ANKRD52: variants seen among roughly 807,000 people sequenced by gnomAD.
ANKRD52 encodes the protein ankyrin repeat domain 52.
In ANKRD52, 7 loss-of-function variants were observed where a neutral mutation model predicts 116.0. The ratio of observed to expected loss-of-function variants is 0.06; its 90% CI spans 0.03 to 0.11. ANKRD52 has a LOEUF of 0.11. Among genes scored for constraint, ANKRD52 ranks in the 10% least tolerant of loss-of-function variants. ANKRD52 has a pLI of 1.00. For missense variants in ANKRD52, 839 were observed against 1,408.6 expected (o/e 0.60, Z 6.47); for synonymous variants, 528 against 578.1 (o/e 0.91, Z 1.24).
chr12:56,247,253 C>T (rs1381249796), intron 20 of ANKRD52, among the ~76,000 whole-genome samples: 1 of 148,034 alleles, frequency 6.8e-6, no homozygotes, highest in Non-Finnish European at 1.5e-5. Flanking sequence ...GGCTGAGGTG[C>T]GAGAATCACC....
chr12:56,245,196 C>A lies in ANKRD52; in HGVS notation c.2405-6G>T, dbSNP rs776589395. ...CTCCAGACAATCTTCATGTCCTGGG[C>A]ACGAGGAAGGAAGAGTAGTGATGGA... On this transcript the variant is annotated splice_polypyrimidine_tract_variant and splice_region_variant and intron_variant, in intron 21 of 27. Transcript: ENST00000267116. 1.2e-6 allele frequency: 2 copies of A among 1,613,836 alleles called. No homozygotes were observed. The highest frequency in any genetic ancestry group is 2.7e-5 in the African/African-American group (2 of 74,904).
intron 22 of ANKRD52, 55 bp from the exon 23 acceptor site, chr12:56,245,044 G>A: frequency 6.2e-7 from 1 of 1,612,684 alleles, no homozygotes; most frequent in Non-Finnish European, 8.5e-7. Context: ...TAGACTACCT[G>A]TCCTAAGCTC....
intron 15 of ANKRD52, among the ~76,000 whole-genome samples, chr12:56,250,098 G>A (rs1871611936): frequency 6.6e-6 from 1 of 152,154 alleles, no homozygotes; most frequent in Admixed American, 6.6e-5. Context: ...TCAGGAGGAA[G>A]AGGCAGGAGA....
chr12:56,250,437 C>T (rs1465716171), intron 15 of ANKRD52, among the ~76,000 whole-genome samples: 4 of 150,142 alleles, frequency 2.7e-5, no homozygotes, highest in Admixed American at 6.6e-5. Context: ...TATTCATAGG[C>T]ATGATCATAG....
chr12:56,255,421 A>T lies in ANKRD52; in HGVS notation c.462+363T>A, dbSNP rs1871903415. Reference sequence around the variant, plus strand: ...TAGCCAGGATGATCTCGATCTCCTGATCTCATGATCCACCCGCCTTCGCCT... The same window carrying T: ...TAGCCAGGATGATCTCGATCTCCTGTTCTCATGATCCACCCGCCTTCGCCT... On this transcript the variant is annotated intron_variant, in intron 5 of 27. Coordinates refer to ENST00000267116, the MANE Select transcript of ANKRD52 (RefSeq NM_173595.4). The surrounding 1 kb of genome is among the most constrained non-coding windows in gnomAD (Gnocchi z 4.3). Among the ~76,000 whole-genome samples the T allele has an allele frequency of 6.6e-6, 1 of 152,140 alleles. No homozygotes were observed. Among genetic ancestry groups the T allele is most frequent in the African/African-American group, 2.4e-5 (1 of 41,418 alleles).
chr12:56,243,846 T>C lies in ANKRD52; in HGVS notation c.2919A>G (p.Leu973=). 6.4e-7 allele frequency: 1 copy of C among 1,567,020 alleles called. No homozygotes were observed. Among genetic ancestry groups the C allele is most frequent in the Non-Finnish European group, 8.7e-7 (1 of 1,155,562 alleles). ...TCAGCAGGGCCTGTACCACAGAAGCTAGACCATTCCGGGCAGCAATGTGGA... is the reference window on the plus strand; with the variant it reads ...TCAGCAGGGCCTGTACCACAGAAGCCAGACCATTCCGGGCAGCAATGTGGA... ...MPLHIAARNG[L]ASVVQALLSH... is the part of the protein sequence containing the mutation. The change falls in exon 27 of 28, where the codon CTA becomes CTG. Residue 973 remains leucine, a synonymous_variant. Coordinates refer to ENST00000267116, the MANE Select transcript of ANKRD52 (RefSeq NM_173595.4). The surrounding 1 kb of genome is among the most constrained non-coding windows in gnomAD (Gnocchi z 4.6).
rs1234473399 is a variant in ANKRD52, at chr12:56,248,526, C to T, written c.1745G>A (p.Ser582Asn). ...MSFNCLEDVE[S>N]TIPVSPLHLA... ...GTGCAAAGGGCTGACTGGAATGGTGCTCTCCACATCCTCCAGGCAGTTAAA... is the reference window on the plus strand; with the variant it reads ...GTGCAAAGGGCTGACTGGAATGGTGTTCTCCACATCCTCCAGGCAGTTAAA... Residue 582 changes from serine to asparagine, a missense_variant, in exon 17 of 28, where the codon AGC becomes AAC. This residue lies in a region of ANKRD52 where 552 missense variants were observed against 810.6 expected (regional missense o/e 0.68). Coordinates refer to ENST00000267116, the MANE Select transcript of ANKRD52 (RefSeq NM_173595.4). The surrounding 1 kb of genome is among the most constrained non-coding windows in gnomAD (Gnocchi z 5.1). 2 of 1,597,742 alleles carry T rather than the reference C, an allele frequency of 1.3e-6. No homozygotes were observed. The highest frequency in any genetic ancestry group is 1.7e-6 in the Non-Finnish European group (2 of 1,172,208).
At chr12:56,256,049 G>A in intron 4 of ANKRD52, 65 bp from the exon 5 acceptor site, 1 of 1,483,026 alleles carries the variant, frequency 6.7e-7, no homozygotes, top group Non-Finnish European at 9.2e-7. Flanking sequence ...GAAATGGAAG[G>A]AGGAATAGGT....
chr12:56,256,428 T>C (rs1182140961), intron 4 of ANKRD52, among the ~76,000 whole-genome samples: 1 of 152,184 alleles, frequency 6.6e-6, no homozygotes, highest in Admixed American at 6.5e-5. Context: ...AGCAAACAGA[T>C]ACTGGTTCGT....
At position 56,247,976 on chromosome 12, in the gene ANKRD52, G is replaced by A. The variant is rs769268403; in HGVS notation, c.1978+47C>T. The A allele has an allele frequency of 2.0e-6, 3 of 1,530,244 alleles. No individual in the cohort carries two copies. The African/African-American group carries it at 4.1e-5, about 21-fold the overall frequency. The allele number at this position is 1,530,244 out of a possible 1,614,324, so 94.8% of individuals were successfully genotyped here. A position where few individuals can be genotyped will look rare whatever the true frequency, so the allele number is the denominator to read the frequency against. On this transcript the variant is annotated intron_variant, in intron 18 of 27. Transcript: ENST00000267116. ...TCCAGCCCCATTCCCATCCAGGAGG[G>A]ATCTGGCATGGCAAGGGTAGGGCAG...
Position 56,241,867 on chromosome 12 carries a change from T to A in ANKRD52, c.*1275A>T, listed in dbSNP as rs1489735154. 1.3e-5 allele frequency: 5 copies of A among 397,578 alleles called. No individual in the cohort carries two copies. Among genetic ancestry groups the A allele is most frequent in the African/African-American group, 2.1e-5 (1 of 48,612 alleles). 24.6% of individuals were successfully genotyped at this position (397,578 alleles called of 1,614,324 possible). A position where few individuals can be genotyped will look rare whatever the true frequency, so the allele number is the denominator to read the frequency against. On this transcript the variant is annotated 3_prime_UTR_variant, in exon 28 of 28. Transcript: ENST00000267116. ...GGCTTTTGGGGTGCGACTTTAGAAA[T>A]CTTATCAGTGCAGCCCCCAGCTCAA...
chr12:56,250,371 T>G (rs1357726177), intron 15 of ANKRD52, among the ~76,000 whole-genome samples: 3 of 149,628 alleles, frequency 2.0e-5, no homozygotes, highest in South Asian at 2.1e-4. Context: ...TTTGTGGGTT[T>G]TTTTTTTTTT....
Position 56,246,231 on chromosome 12 carries a change from T to C in ANKRD52, c.2185-635A>G, listed in dbSNP as rs1475677276. On this transcript the variant is annotated intron_variant, in intron 20 of 27. Coordinates refer to ENST00000267116, the MANE Select transcript of ANKRD52 (RefSeq NM_173595.4). ...TTTTAGTAGAGGCGAAGTTTCACCATGTTGGCCAGGCTGGTCTCAAACTCC... is the reference window on the plus strand; with the variant it reads ...TTTTAGTAGAGGCGAAGTTTCACCACGTTGGCCAGGCTGGTCTCAAACTCC... Among the ~76,000 whole-genome samples the C allele has an allele frequency of 2.6e-5, 4 of 151,986 alleles. No homozygotes were observed. The East Asian group carries it at 5.8e-4, about 22-fold the overall frequency.
intron 15 of ANKRD52, among the ~76,000 whole-genome samples, chr12:56,251,221 G>T (rs952718149): frequency 2.7e-5 from 4 of 150,538 alleles, no homozygotes; most frequent in Non-Finnish European, 5.9e-5. Context: ...GATTATAGGC[G>T]TGAACCACCA....
rs575460035 is a variant in ANKRD52 at position 56,248,447 on chromosome 12, G to A, written c.1776+48C>T. On this transcript the variant is annotated intron_variant, in intron 17 of 27. Transcript: ENST00000267116. The surrounding 1 kb of genome is among the most constrained non-coding windows in gnomAD (Gnocchi z 5.1). ...GTGCTGGCACCTTTGTTAGGGCCTG[G>A]GAACAGGTAGGACAAGGAAGGCAAC... 3 of 1,549,194 alleles carry A rather than the reference G, an allele frequency of 1.9e-6. No individual in the cohort carries two copies. The highest frequency in any genetic ancestry group is 2.6e-6 in the Non-Finnish European group (3 of 1,139,596).
At chr12:56,251,966 T>A (rs1339355848) in intron 15 of ANKRD52, 49 bp downstream of exon 15, 1 of 1,584,956 alleles carries the variant, frequency 6.3e-7, no homozygotes, top group Non-Finnish European at 8.6e-7. Context: ...GGGCCAGAGC[T>A]TGCATGGGTT....
intron 15 of ANKRD52, among the ~76,000 whole-genome samples, chr12:56,250,501 C>T (rs564605200): frequency 2.6e-5 from 4 of 151,600 alleles, no homozygotes; most frequent in Admixed American, 1.3e-4. Context: ...CTTACCTGCA[C>T]CTGCCTCCTG....
At position 56,241,754 on chromosome 12, in the gene ANKRD52, G is replaced by A. The variant is rs1222867751; in HGVS notation, c.*1388C>T. On this transcript the variant is annotated 3_prime_UTR_variant, in exon 28 of 28. Transcript: ENST00000267116. Reference sequence around the variant, plus strand: ...TGTCCAGGAGGCTGCACTAGGAGATGGGTGGACAGAGCACTTAAAGGGACC... The same window carrying A: ...TGTCCAGGAGGCTGCACTAGGAGATAGGTGGACAGAGCACTTAAAGGGACC... 12 of 374,884 alleles carry A rather than the reference G, an allele frequency of 3.2e-5. No individual in the cohort carries two copies. The highest frequency in any genetic ancestry group is 5.7e-5 in the Non-Finnish European group (12 of 211,592). The allele number at this position is 374,884 out of a possible 1,614,324, so 23.2% of individuals were successfully genotyped here. A position where few individuals can be genotyped will look rare whatever the true frequency, so the allele number is the denominator to read the frequency against.
Position 56,243,665 on chromosome 12 carries a change from T to C in ANKRD52, c.2980+120A>G. 8.7e-7 allele frequency: 1 copy of C among 1,146,466 alleles called. No individual in the cohort carries two copies. The highest frequency in any genetic ancestry group is 1.2e-6 in the Non-Finnish European group (1 of 806,410). 71.0% of individuals were successfully genotyped at this position (1,146,466 alleles called of 1,614,324 possible). A position where few individuals can be genotyped will look rare whatever the true frequency, so the allele number is the denominator to read the frequency against. On this transcript the variant is annotated intron_variant, in intron 27 of 27. Transcript: ENST00000267116. The surrounding 1 kb of genome is among the most constrained non-coding windows in gnomAD (Gnocchi z 4.6). The stretch of plus-strand genomic sequence containing the variant: ...CTCCAGAGTACTGGTGTGGGCTCCC[T>C]GCTCTGAAGAGTTCCCTTGGGAAGA...
Sources: gnomAD v4.1 joint callset for allele counts (sites outside exome capture counted in the v4.1 genomes callset) on GRCh38, gnomAD v4.1.1 for gene constraint, gnomAD v4.1.1 regional missense constraint, Gnocchi (gnomAD v3.1) non-coding constraint, MANE v1.5 for transcripts, NCBI Gene and HGNC (gene_info 2026-07-23, HGNC 2026-07-21) for gene names.